SSU72L6: variants seen among roughly 807,000 people sequenced by gnomAD.
SSU72L6 encodes the protein SSU72 like 6, also known as RNA polymerase II subunit A C-terminal domain phosphatase SSU72 like protein 6.
chr7:124,476,707 G>A, the SSU72L6 span: 2 of 780,668 alleles, frequency 2.6e-6, no homozygotes, highest in Non-Finnish European at 4.8e-6. Flanking sequence ...TACCTGTGAG[G>A]AGCGTGTCTA....
At chr7:124,476,620 A>G in the SSU72L6 span, 2 of 780,708 alleles carry the variant, frequency 2.6e-6, no homozygotes, top group Admixed American at 1.7e-5. Context: ...AATCTTACAC[A>G]TCTTGGGAAG....
the SSU72L6 span, chr7:124,476,409 G>C: frequency 1.3e-6 from 1 of 779,332 alleles, no homozygotes; most frequent in Non-Finnish European, 2.4e-6. Context: ...TGGTGTGTGT[G>C]AGCAACATCA....
the SSU72L6 span, among the ~76,000 whole-genome samples, chr7:124,477,344 C>A: frequency 6.6e-6 from 1 of 151,496 alleles, no homozygotes; most frequent in Non-Finnish European, 1.5e-5. Context: ...TAGATAAGCA[C>A]CTTTTAAATA....
At chr7:124,476,479 G>A in the SSU72L6 span, 12 of 780,496 alleles carry the variant, frequency 1.5e-5, no homozygotes, top group African/African-American at 5.1e-5. Flanking sequence ...CCGGTCTTTC[G>A]GAACTGAATC....
At chr7:124,476,586 T>A in the SSU72L6 span, 4 of 780,672 alleles carry the variant, frequency 5.1e-6, no homozygotes, top group Non-Finnish European at 9.6e-6. Context: ...TCAGGAAAGA[T>A]AGAGAATGCT....
chr7:124,476,632 A>T, the SSU72L6 span: 1 of 780,728 alleles, frequency 1.3e-6, no homozygotes, highest in Non-Finnish European at 2.4e-6. Flanking sequence ...CTTGGGAAGA[A>T]ATGAGAGAAT....
chr7:124,477,300 G>T, the SSU72L6 span, among the ~76,000 whole-genome samples: 1 of 152,050 alleles, frequency 6.6e-6, no homozygotes, highest in Non-Finnish European at 1.5e-5. Flanking sequence ...AAAATGATTT[G>T]TTTAAGGGTA....
chr7:124,477,435 T>C, the SSU72L6 span, among the ~76,000 whole-genome samples: 1 of 151,940 alleles, frequency 6.6e-6, no homozygotes, highest in African/African-American at 2.4e-5. Context: ...GAGTGTGGTA[T>C]ATTAACTTAA....
the SSU72L6 span, chr7:124,476,558 A>G: frequency 1.3e-6 from 1 of 780,708 alleles, no homozygotes; most frequent in Non-Finnish European, 2.4e-6. Context: ...ACATATAAGG[A>G]GATGTACAAT....
the SSU72L6 span, chr7:124,476,922 A>C: frequency 1.7e-5 from 13 of 763,094 alleles, no homozygotes; most frequent in East Asian, 3.2e-4. Flanking sequence ...AGAAGGCAGG[A>C]AAAAGCTTTC....
chr7:124,477,239 C>T, the SSU72L6 span, among the ~76,000 whole-genome samples: 1 of 152,186 alleles, frequency 6.6e-6, no homozygotes, highest in Non-Finnish European at 1.5e-5. Context: ...GCTATCCCAC[C>T]ATGACTGCAT....
chr7:124,477,209 T>A, the SSU72L6 span, among the ~76,000 whole-genome samples: 1 of 152,226 alleles, frequency 6.6e-6, no homozygotes, highest in Non-Finnish European at 1.5e-5. Context: ...AATTTAATGC[T>A]TATATTATTC....
the SSU72L6 span, among the ~76,000 whole-genome samples, chr7:124,477,254 C>T: frequency 1.3e-5 from 2 of 152,026 alleles, no homozygotes; most frequent in African/African-American, 2.4e-5. Context: ...CTGCATTTTC[C>T]GGATGAGCAA....
chr7:124,476,322 T>C, the SSU72L6 span: 1 of 715,018 alleles, frequency 1.4e-6, no homozygotes, highest in Non-Finnish European at 2.6e-6. Flanking sequence ...TCAGAGTCCC[T>C]GCAGCAGCTG....
the SSU72L6 span, chr7:124,477,079 A>G: frequency 2.7e-5 from 16 of 598,314 alleles, no homozygotes; most frequent in East Asian, 2.2e-4. Context: ...ACTTTTGTAC[A>G]TATCACCTGG....
chr7:124,477,183 A>G, the SSU72L6 span, among the ~76,000 whole-genome samples: 1 of 152,244 alleles, frequency 6.6e-6, no homozygotes, highest in Non-Finnish European at 1.5e-5. Context: ...TTCTACATGC[A>G]TTACATACAA....
the SSU72L6 span, chr7:124,476,971 T>G: frequency 1.4e-6 from 1 of 725,556 alleles, no homozygotes; most frequent in South Asian, 1.4e-5. Flanking sequence ...TGGGCTGGCT[T>G]TGTCTCCTTC....
the SSU72L6 span, chr7:124,477,009 T>C: frequency 9.2e-6 from 6 of 649,898 alleles, no homozygotes; most frequent in East Asian, 1.1e-4. Flanking sequence ...CATGGGACTT[T>C]AGTCCAGATT....
the SSU72L6 span, chr7:124,476,604 CA>C: frequency 2.0e-5 from 16 of 780,714 alleles, no homozygotes; most frequent in East Asian, 3.9e-4. Flanking sequence ...GCTACACCCA[CA>C]ATGGAATCTT....
Sources: gnomAD v4.1 joint callset for allele counts (sites outside exome capture counted in the v4.1 genomes callset) on GRCh38, gnomAD v4.1.1 for gene constraint, MANE v1.5 for transcripts, NCBI Gene and HGNC (gene_info 2026-07-23, HGNC 2026-07-21) for gene names.